The following CACNA2D1 variants were observed in gnomAD, a reference collection of about 807,000 sequenced individuals.
CACNA2D1 encodes the protein voltage-dependent calcium channel subunit alpha-2/delta-1.
CACNA2D1 carries 53 observed loss-of-function variants against 171.5 expected under a neutral mutation model. The observed-to-expected ratio is 0.31, with a 90% CI of 0.25 to 0.39. CACNA2D1 has a LOEUF of 0.39. Ranked by LOEUF, CACNA2D1 falls within the 10% of genes least tolerant of loss-of-function variation. The pLI is 1.00. For synonymous variants in CACNA2D1, 442 were observed against 443.1 expected (o/e 1.00, Z 0.03); for missense variants, 903 against 1,299.8 (o/e 0.69, Z 4.69).
intron 1 of CACNA2D1, among the ~76,000 whole-genome samples, chr7:82,398,904 C>T (rs761047536): frequency 4.6e-5 from 7 of 151,388 alleles, no homozygotes; most frequent in South Asian, 2.1e-4. Flanking sequence ...TTTTTCCTTC[C>T]TTCTACCCTT....
intron 1 of CACNA2D1, among the ~76,000 whole-genome samples, chr7:82,399,156 T>C (rs1379224536): frequency 6.6e-6 from 1 of 152,170 alleles, no homozygotes; most frequent in East Asian, 1.9e-4. Context: ...TTCCACTCAA[T>C]TCTATTTCTG....
intron 18 of CACNA2D1, among the ~76,000 whole-genome samples, chr7:82,004,612 A>G (rs114687842): frequency 1.2e-3 from 181 of 152,304 alleles, no homozygotes; most frequent in African/African-American, 4.1e-3. Context: ...TTAACTATCC[A>G]TGACTCGGGA....
At chr7:82,132,443 C>T (rs1242097094) in intron 5 of CACNA2D1, among the ~76,000 whole-genome samples, 1 of 152,176 alleles carries the variant, frequency 6.6e-6, no homozygotes, top group African/African-American at 2.4e-5. Flanking sequence ...CCTCTTGCAA[C>T]AAGGCAAGGC....
chr7:82,373,298 A>G (rs7785182), intron 1 of CACNA2D1, among the ~76,000 whole-genome samples: 94,961 of 152,046 alleles, frequency 0.62, 30,234 homozygotes, highest in Middle Eastern at 0.74. Flanking sequence ...GGTTACTAAA[A>G]TCAAAAATTC....
At chr7:82,060,404 A>G in intron 10 of CACNA2D1, 24 bp downstream of exon 10, 1 of 1,489,962 alleles carries the variant, frequency 6.7e-7, no homozygotes, top group Non-Finnish European at 9.3e-7. Flanking sequence ...TTAATTCAGG[A>G]AAATGCAGTC....
At chr7:82,177,232 C>A (rs942030400) in intron 3 of CACNA2D1, among the ~76,000 whole-genome samples, 7 of 151,716 alleles carry the variant, frequency 4.6e-5, no homozygotes, top group Non-Finnish European at 1.0e-4. Context: ...AAAAGTATTA[C>A]AAATCACCTT....
At chr7:82,073,475 T>C (rs971803565) in intron 7 of CACNA2D1, among the ~76,000 whole-genome samples, 2 of 152,168 alleles carry the variant, frequency 1.3e-5, no homozygotes, top group African/African-American at 4.8e-5. Flanking sequence ...ATATGCAAAA[T>C]AAATTCTGGA....
At chr7:81,968,187 C>G (rs776133395) in intron 29 of CACNA2D1, among the ~76,000 whole-genome samples, 1 of 151,202 alleles carries the variant, frequency 6.6e-6, no homozygotes. Context: ...GTAATAGATC[C>G]GCTGATGGGG....
At chr7:82,185,880 G>A (rs759459555) in intron 3 of CACNA2D1, among the ~76,000 whole-genome samples, 1 of 152,052 alleles carries the variant, frequency 6.6e-6, no homozygotes, top group African/African-American at 2.4e-5. Context: ...GGCCACACCA[G>A]GCATGGTGGC....
chr7:81,964,582 T>C (rs1794501254), intron 32 of CACNA2D1, among the ~76,000 whole-genome samples: 1 of 151,934 alleles, frequency 6.6e-6, no homozygotes, highest in African/African-American at 2.4e-5. Context: ...ATATTTTATT[T>C]GTGGAAAGAA....
At chr7:82,095,684 G>A (rs750496135) in intron 6 of CACNA2D1, among the ~76,000 whole-genome samples, 1 of 152,204 alleles carries the variant, frequency 6.6e-6, no homozygotes, top group Non-Finnish European at 1.5e-5. Context: ...ATGAATGAAA[G>A]AGTGTGTGAA....
intron 5 of CACNA2D1, among the ~76,000 whole-genome samples, chr7:82,129,194 T>G (rs1296529179): frequency 6.6e-6 from 1 of 152,230 alleles, no homozygotes; most frequent in African/African-American, 2.4e-5. Flanking sequence ...ACTAGAAATC[T>G]CCTCTTGAAT....
At chr7:81,994,486 T>A (rs1797846157) in intron 20 of CACNA2D1, among the ~76,000 whole-genome samples, 1 of 152,078 alleles carries the variant, frequency 6.6e-6, no homozygotes, top group African/African-American at 2.4e-5. Context: ...GCAAATCATG[T>A]AAAACATATA....
At chr7:81,952,673 C>T (rs998344150) in intron 38 of CACNA2D1, among the ~76,000 whole-genome samples, 3 of 152,072 alleles carry the variant, frequency 2.0e-5, no homozygotes, top group Non-Finnish European at 4.4e-5. Context: ...TTCTTTCATG[C>T]TCTCTAAAAT....
intron 3 of CACNA2D1, among the ~76,000 whole-genome samples, chr7:82,256,226 G>C (rs1025495794): frequency 6.6e-5 from 10 of 152,160 alleles, no homozygotes; most frequent in Admixed American, 5.2e-4. Flanking sequence ...CCTTGGAGGC[G>C]GAGGTTGCAG....
intron 3 of CACNA2D1, among the ~76,000 whole-genome samples, chr7:82,299,361 A>T (rs573652232): frequency 6.6e-6 from 1 of 152,032 alleles, no homozygotes; most frequent in Non-Finnish European, 1.5e-5. Flanking sequence ...AGTTTTACTT[A>T]AAAAGTTAGA....
chr7:82,366,011 G>C (rs1233253653), intron 1 of CACNA2D1, among the ~76,000 whole-genome samples: 2 of 152,142 alleles, frequency 1.3e-5, no homozygotes, highest in Admixed American at 6.5e-5. Context: ...AGAAACGTTA[G>C]CACTGAGAGC....
chr7:82,060,722 TC>T (rs1273346063), intron 9 of CACNA2D1, among the ~76,000 whole-genome samples, 195 bp from the exon 10 acceptor site: 1 of 152,056 alleles, frequency 6.6e-6, no homozygotes, highest in East Asian at 1.9e-4. Context: ...TGCCTTTTTT[TC>T]CTCCCAATAT....
At position 81,994,937 on chromosome 7, in the gene CACNA2D1, A is replaced by T; in HGVS notation, c.1665T>A (p.Ile555=). The T allele has an allele frequency of 6.7e-7, 1 of 1,500,252 alleles. No individual in the cohort carries two copies. 92.9% of individuals were successfully genotyped at this position (1,500,252 alleles called of 1,614,324 possible). A position where few individuals can be genotyped will look rare whatever the true frequency, so the allele number is the denominator to read the frequency against. Residue 555 remains isoleucine, a splice_region_variant and synonymous_variant, in exon 20 of 39, where the codon ATT becomes ATA. Coordinates refer to ENST00000356860, the MANE Select transcript of CACNA2D1 (RefSeq NM_000722.4). ...AELENDIKVE[I]RNKMIDGESG... Reference sequence around the variant, plus strand: ...TTTCCCCATCAATCATCTTATTTCGAATCTAAGAGTAAATGAAACAACTAC... The same window carrying T: ...TTTCCCCATCAATCATCTTATTTCGTATCTAAGAGTAAATGAAACAACTAC...
Sources: gnomAD v4.1 joint callset for allele counts (sites outside exome capture counted in the v4.1 genomes callset) on GRCh38, gnomAD v4.1.1 for gene constraint, MANE v1.5 for transcripts, NCBI Gene and HGNC (gene_info 2026-07-23, HGNC 2026-07-21) for gene names.